Variants in AGMO observed in about 807,000 individuals in gnomAD.
The protein encoded by AGMO is alkylglycerol monooxygenase, also known as glyceryl-ether monooxygenase.
In AGMO, 75 loss-of-function variants were observed where a neutral mutation model predicts 60.2. That is an observed-to-expected ratio of 1.25 (90% CI 1.03 to 1.51). The LOEUF is 1.51. Ranked by LOEUF, AGMO falls within the 40% of genes most tolerant of loss-of-function variation. The pLI is 0.00. For synonymous variants in AGMO, 261 were observed against 177.1 expected (o/e 1.47, Z -3.76); for missense variants, 763 against 525.5 (o/e 1.45, Z -4.42).
At chr7:15,375,702 C>T (rs979244361) in intron 10 of AGMO, among the ~76,000 whole-genome samples, 4 of 152,080 alleles carry the variant, frequency 2.6e-5, no homozygotes, top group African/African-American at 9.7e-5. Flanking sequence ...AGCCTCTTCA[C>T]GTGGAATACT....
At chr7:15,215,441 T>A (rs1244844395) in intron 12 of AGMO, among the ~76,000 whole-genome samples, 8 of 152,038 alleles carry the variant, frequency 5.3e-5, no homozygotes, top group African/African-American at 1.7e-4. Flanking sequence ...GCTTGAGTTG[T>A]ACACCGGAAT....
the AGMO span, among the ~76,000 whole-genome samples, chr7:15,126,901 C>T: frequency 6.6e-5 from 10 of 152,102 alleles, no homozygotes; most frequent in Admixed American, 6.6e-4. Flanking sequence ...TCTCTGAAGT[C>T]TGCTATCTGA....
chr7:15,451,032 A>G (rs1171962612), intron 3 of AGMO, among the ~76,000 whole-genome samples: 1 of 151,538 alleles, frequency 6.6e-6, no homozygotes, highest in Non-Finnish European at 1.5e-5. Flanking sequence ...AATATGTTAG[A>G]AAAATTGCCT....
intron 12 of AGMO, among the ~76,000 whole-genome samples, chr7:15,360,129 A>C (rs993670778): frequency 6.6e-6 from 1 of 152,192 alleles, no homozygotes; most frequent in African/African-American, 2.4e-5. Flanking sequence ...TTTAATCCAC[A>C]TGTCCACCCA....
At chr7:15,481,382 T>C (rs1782744860) in intron 3 of AGMO, among the ~76,000 whole-genome samples, 1 of 151,986 alleles carries the variant, frequency 6.6e-6, no homozygotes, top group African/African-American at 2.4e-5. Context: ...GCCAAAACCA[T>C]TAAAGCTTAA....
At chr7:15,267,937 T>A (rs901042297) in intron 12 of AGMO, among the ~76,000 whole-genome samples, 1 of 151,966 alleles carries the variant, frequency 6.6e-6, no homozygotes, top group African/African-American at 2.4e-5. Flanking sequence ...ATATAATGAA[T>A]CTATTAAATT....
chr7:15,120,839 T>C, the AGMO span, among the ~76,000 whole-genome samples: 2 of 152,158 alleles, frequency 1.3e-5, no homozygotes. Context: ...GGTTTTGGGA[T>C]ACATGTGCTG....
the AGMO span, among the ~76,000 whole-genome samples, chr7:15,174,261 T>TA: frequency 6.6e-6 from 1 of 152,116 alleles, no homozygotes; most frequent in East Asian, 1.9e-4. Flanking sequence ...CATCCACAGA[T>TA]ATGTAAATAC....
intron 12 of AGMO, among the ~76,000 whole-genome samples, chr7:15,330,861 G>A (rs886296044): frequency 1.3e-5 from 2 of 151,814 alleles, no homozygotes; most frequent in South Asian, 4.2e-4. Flanking sequence ...CTGACAAACT[G>A]GTCTTAATGA....
chr7:15,429,473 CT>C (rs1285318675), intron 4 of AGMO, among the ~76,000 whole-genome samples: 1 of 151,980 alleles, frequency 6.6e-6, no homozygotes, highest in Non-Finnish European at 1.5e-5. Context: ...AGAAAAGATC[CT>C]TTCCTAGTGT....
chr7:15,385,968 G>C (rs1051008646), intron 9 of AGMO, among the ~76,000 whole-genome samples: 2 of 152,082 alleles, frequency 1.3e-5, no homozygotes, highest in African/African-American at 2.4e-5. Context: ...ATCATTTGAG[G>C]TCAAGAGTTC....
chr7:15,164,189 A>C, the AGMO span, among the ~76,000 whole-genome samples: 1 of 152,146 alleles, frequency 6.6e-6, no homozygotes, highest in African/African-American at 2.4e-5. Flanking sequence ...AAAATGGGAT[A>C]GTCATATGCA....
chr7:15,416,277 G>A (rs532704429), intron 5 of AGMO, among the ~76,000 whole-genome samples: 38 of 152,116 alleles, frequency 2.5e-4, no homozygotes, highest in Admixed American at 2.4e-3. Context: ...CAGGTGATCT[G>A]CCCGCCTCTG....
Position 15,289,645 on chromosome 7 carries a change from T to A in AGMO, c.1263+75869A>T, listed in dbSNP as rs142552120. Among the ~76,000 whole-genome samples, 15 of 152,196 alleles carry A rather than the reference T, an allele frequency of 9.9e-5. No individual in the cohort carries two copies. In the East Asian group the frequency reaches 2.9e-3, roughly 29 times the overall value. ...ATATTATAAGTTTATCTATGGAATA[T>A]TCAGTACTAGCTTCTACCTACTTCC... is the stretch of plus-strand genomic sequence containing the variant. On this transcript the variant is annotated intron_variant, in intron 12 of 12. Transcript: ENST00000342526.
intron 12 of AGMO, among the ~76,000 whole-genome samples, chr7:15,232,801 G>GCACACA (rs71004371): frequency 0.048 from 7,053 of 147,040 alleles, 364 homozygotes; most frequent in Admixed American, 0.11. Flanking sequence ...ACACACACAC[G>GCACACA]CACACACACA....
intron 3 of AGMO, among the ~76,000 whole-genome samples, chr7:15,454,386 C>T (rs1242067079): frequency 9.5e-5 from 5 of 52,638 alleles, no homozygotes; most frequent in Non-Finnish European, 2.5e-4. Flanking sequence ...CACAAACACA[C>T]AAACACAAAC....
chr7:15,345,336 C>T (rs1459970865), intron 12 of AGMO, among the ~76,000 whole-genome samples: 1 of 152,178 alleles, frequency 6.6e-6, no homozygotes. Flanking sequence ...AGCAATTTCT[C>T]ACCTCCTGGC....
At chr7:15,495,183 T>C (rs1318474202) in intron 3 of AGMO, among the ~76,000 whole-genome samples, 1 of 152,226 alleles carries the variant, frequency 6.6e-6, no homozygotes, top group African/African-American at 2.4e-5. Context: ...TTTTGCCTGG[T>C]GCTTCAAAAT....
intron 3 of AGMO, among the ~76,000 whole-genome samples, chr7:15,500,358 G>A (rs989201050): frequency 2.0e-5 from 3 of 151,810 alleles, no homozygotes; most frequent in African/African-American, 7.2e-5. Flanking sequence ...GAATAAATCA[G>A]ATAAGTAATG....
Sources: allele counts gnomAD v4.1 joint callset (sites outside exome capture counted in the v4.1 genomes callset), GRCh38; gene constraint gnomAD v4.1.1; transcripts MANE v1.5; gene names NCBI Gene and HGNC (gene_info 2026-07-23, HGNC 2026-07-21).